Variants in PALM2AKAP2 observed in about 807,000 individuals in gnomAD.
PALM2AKAP2 encodes the protein PALM2-AKAP2 fusion protein.
In PALM2AKAP2, 37 loss-of-function variants were observed where a neutral mutation model predicts 71.5. That is an observed-to-expected ratio of 0.52 (90% CI 0.40 to 0.68). The LOEUF is 0.68. Ranked by LOEUF, PALM2AKAP2 falls within the 30% of genes least tolerant of loss-of-function variation. The probability of loss-of-function intolerance (pLI) is 0.00; values close to 1 mark genes in which losing one functional copy is unlikely to be tolerated. For synonymous variants in PALM2AKAP2, 468 were observed against 478.8 expected, an observed-to-expected ratio of 0.98 and a Z score of 0.29; for missense variants, 1,224 against 1,191.8, an observed-to-expected ratio of 1.03 and a Z score of -0.40.
chr9:109,902,554 C>T (rs980593514), intron 3 of PALM2AKAP2, among the ~76,000 whole-genome samples: 1 of 152,238 alleles, frequency 6.6e-6, no homozygotes, highest in Non-Finnish European at 1.5e-5. Context: ...TCTAGTGGCA[C>T]TTTGTTAGGT....
intron 6 of PALM2AKAP2, among the ~76,000 whole-genome samples, chr9:109,949,043 G>GTGAATTTCATTACAGGAGCAT (rs1240129003): frequency 6.6e-6 from 1 of 152,238 alleles, no homozygotes; most frequent in Admixed American, 6.5e-5. Flanking sequence ...CTTCAGAGCT[G>GTGAATTTCATTACAGGAGCAT]TGAATTTCAT....
At chr9:109,856,630 C>G (rs1383608257) in intron 1 of PALM2AKAP2, among the ~76,000 whole-genome samples, 1 of 152,138 alleles carries the variant, frequency 6.6e-6, no homozygotes, top group Non-Finnish European at 1.5e-5. Context: ...TTTTTCTACC[C>G]TGCATGTTTA....
intron 1 of PALM2AKAP2, among the ~76,000 whole-genome samples, chr9:110,113,355 C>T (rs1835292089): frequency 6.6e-6 from 1 of 151,470 alleles, no homozygotes; most frequent in Non-Finnish European, 1.5e-5. Context: ...TCTCCTGATT[C>T]AGCCTCCCGG....
chr9:109,918,521 C>A (rs566766508), intron 3 of PALM2AKAP2, among the ~76,000 whole-genome samples: 2 of 152,228 alleles, frequency 1.3e-5, no homozygotes, highest in East Asian at 1.9e-4. Flanking sequence ...ATTAACCTTG[C>A]GTGTAAATTA....
intron 6 of PALM2AKAP2, among the ~76,000 whole-genome samples, chr9:109,962,850 G>A (rs1041567325): frequency 6.6e-5 from 10 of 152,138 alleles, no homozygotes; most frequent in Non-Finnish European, 8.8e-5. Flanking sequence ...TGCCATGTTG[G>A]CCAGGCTGGT....
At chr9:109,645,005 C>T (rs1827128186) in intron 1 of PALM2AKAP2, among the ~76,000 whole-genome samples, 1 of 152,196 alleles carries the variant, frequency 6.6e-6, no homozygotes, top group Admixed American at 6.5e-5. Flanking sequence ...CTGCCTGTTA[C>T]CCAATTCCAA....
intron 3 of PALM2AKAP2, among the ~76,000 whole-genome samples, chr9:109,918,004 C>T (rs555602671): frequency 1.3e-5 from 2 of 152,292 alleles, no homozygotes; most frequent in South Asian, 2.1e-4. Flanking sequence ...GACCACTCAG[C>T]GTCCCCACCA....
intron 1 of PALM2AKAP2, among the ~76,000 whole-genome samples, chr9:110,105,603 C>T (rs1047524434): frequency 1.3e-5 from 2 of 152,082 alleles, no homozygotes; most frequent in Non-Finnish European, 2.9e-5. Flanking sequence ...CATTTAAAAC[C>T]CCTGATATTT....
intron 3 of PALM2AKAP2, among the ~76,000 whole-genome samples, chr9:109,917,976 G>A (rs987798579): frequency 6.6e-5 from 10 of 152,198 alleles, no homozygotes; most frequent in African/African-American, 2.4e-4. Flanking sequence ...GGAAGAGGGG[G>A]AGAATAGATA....
chr9:109,683,964 C>G (rs113233522), intron 1 of PALM2AKAP2, among the ~76,000 whole-genome samples: 17 of 152,048 alleles, frequency 1.1e-4, no homozygotes, highest in African/African-American at 4.1e-4. Flanking sequence ...ATGTATATCT[C>G]ATAATAAGAC....
At chr9:110,115,503 C>T (rs1835343029) in intron 1 of PALM2AKAP2, among the ~76,000 whole-genome samples, 1 of 152,154 alleles carries the variant, frequency 6.6e-6, no homozygotes, top group Admixed American at 6.5e-5. Context: ...GGCCAGTGTC[C>T]CCAGTGCCTG....
At chr9:109,675,004 A>G (rs866275839) in intron 1 of PALM2AKAP2, among the ~76,000 whole-genome samples, 1 of 152,086 alleles carries the variant, frequency 6.6e-6, no homozygotes, top group East Asian at 1.9e-4. Context: ...GAGATACTCA[A>G]CATTTTGTTA....
chr9:109,842,210 A>G (rs998950015), intron 1 of PALM2AKAP2, among the ~76,000 whole-genome samples: 5 of 152,140 alleles, frequency 3.3e-5, no homozygotes, highest in Admixed American at 2.6e-4. Context: ...GCCCCTGGGG[A>G]GTGTACAGGA....
chr9:110,123,187 A>G (rs1401527742), intron 1 of PALM2AKAP2, among the ~76,000 whole-genome samples: 2 of 152,178 alleles, frequency 1.3e-5, no homozygotes, highest in African/African-American at 4.8e-5. Context: ...GTGAGTATAT[A>G]GATTAGTTTG....
In PALM2AKAP2 at chr9:110,014,865, T is replaced by C. The variant is rs868702708; in HGVS notation, c.497-1089T>C. On this transcript the variant is annotated intron_variant, in intron 6 of 9. Transcript: ENST00000302798. ...ATATATATATATACACACACACACA[T>C]ATATCTTGCCATTTCTTCAAACTTT... Among the ~76,000 whole-genome samples the C allele has an allele frequency of 1.8e-3, 229 of 129,212 alleles. 7 individuals carry two copies. Among genetic ancestry groups the C allele is most frequent in the African/African-American group, 6.4e-3 (216 of 33,946 alleles). The allele number at this position is 129,212 out of a possible 152,430, so 84.8% of individuals were successfully genotyped here.
chr9:109,743,494 A>G (rs547770402), intron 1 of PALM2AKAP2, among the ~76,000 whole-genome samples: 1 of 152,256 alleles, frequency 6.6e-6, no homozygotes, highest in South Asian at 2.1e-4. Context: ...GATGAAGCCA[A>G]CCCCATACCA....
At chr9:109,800,619 A>G (rs1827400406) in intron 1 of PALM2AKAP2, among the ~76,000 whole-genome samples, 1 of 152,224 alleles carries the variant, frequency 6.6e-6, no homozygotes, top group South Asian at 2.1e-4. Context: ...ACACAATGCT[A>G]CAGGTAGCCA....
intron 1 of PALM2AKAP2, among the ~76,000 whole-genome samples, chr9:109,752,073 G>A (rs1039809087): frequency 6.6e-6 from 1 of 152,044 alleles, no homozygotes; most frequent in South Asian, 2.1e-4. Flanking sequence ...CATTTATTGA[G>A]CACCTACTAT....
At position 110,151,846 on chromosome 9, in the gene PALM2AKAP2, C is replaced by T. The variant is rs567927631; in HGVS notation, c.2570-4473C>T. On this transcript the variant is annotated intron_variant, in intron 2 of 3. Coordinates refer to ENST00000374525, the Ensembl canonical transcript of PALM2AKAP2. ...GTTCCCTGCTCTGTAAATGTCAGGG[C>T]TGGCCATCAGCCAAGACCAATACGG... Among the ~76,000 whole-genome samples, 28 of 152,250 alleles carry T rather than the reference C, an allele frequency of 1.8e-4. 1 individual carries two copies. The highest frequency in any genetic ancestry group is 5.9e-4 in the Admixed American group (9 of 15,288).
Sources: allele counts gnomAD v4.1 joint callset (sites outside exome capture counted in the v4.1 genomes callset), GRCh38; gene constraint gnomAD v4.1.1; transcripts MANE v1.5; gene names NCBI Gene and HGNC (gene_info 2026-07-23, HGNC 2026-07-21).